The following VPS13D variants were observed in gnomAD, a reference collection of about 807,000 sequenced individuals.
VPS13D encodes vacuolar protein sorting 13 homolog D, also known as intermembrane lipid transfer protein VPS13D.
In VPS13D, 187 loss-of-function variants were observed where a neutral mutation model predicts 461.9. The observed-to-expected ratio is 0.40, with a 90% CI of 0.36 to 0.46. The LOEUF (loss-of-function observed/expected upper bound fraction) is 0.46, where lower values mean the gene tolerates loss of function less well. VPS13D is among the 20% of genes least tolerant of loss of function. VPS13D has a pLI of 0.60. For missense variants in VPS13D, 4,711 were observed against 5,364.9 expected, an observed-to-expected ratio of 0.88 and a Z score of 3.81; for synonymous variants, 1,951 against 1,986.3, an observed-to-expected ratio of 0.98 and a Z score of 0.47.
At position 12,369,677 on chromosome 1, in the gene VPS13D, A is replaced by G. The variant is rs771632572; in HGVS notation, c.10783A>G (p.Ile3595Val). The change falls in exon 54 of 70, where the codon ATT (isoleucine) becomes GTT (valine). Residue 3595 changes from isoleucine to valine, a missense_variant. Coordinates refer to ENST00000620676, the MANE Select transcript of VPS13D (RefSeq NM_015378.4). ...GCTTTATTATGAAAATTTCATTTACATTGCTGCTACATATACATTCTCTGG... is the reference window on the plus strand; with the variant it reads ...GCTTTATTATGAAAATTTCATTTACGTTGCTGCTACATATACATTCTCTGG... ...RQLYYENFIYIAATYTFSGLQ... is the reference protein window; with the variant it reads ...RQLYYENFIYVAATYTFSGLQ... 1 of 1,614,046 alleles carries G rather than the reference A, an allele frequency of 6.2e-7. No individual in the cohort carries two copies. The highest frequency in any genetic ancestry group is 8.5e-7 in the Non-Finnish European group (1 of 1,180,008).
intron 65 of VPS13D, among the ~76,000 whole-genome samples, chr1:12,422,753 A>G (rs1644879101): frequency 6.6e-6 from 1 of 152,104 alleles, no homozygotes; most frequent in Non-Finnish European, 1.5e-5. Flanking sequence ...TCTGCCAATC[A>G]GGAAACTGAG....
At chr1:12,311,674 G>C (rs372837792) in intron 28 of VPS13D, 49 bp downstream of exon 28, 7 of 1,605,286 alleles carry the variant, frequency 4.4e-6, no homozygotes, top group Non-Finnish European at 6.0e-6. Flanking sequence ...CTCAGCTGAC[G>C]GTCACCCTGT....
intron 50 of VPS13D, among the ~76,000 whole-genome samples, chr1:12,360,893 A>G (rs1287141365): frequency 6.6e-6 from 1 of 152,168 alleles, no homozygotes; most frequent in Non-Finnish European, 1.5e-5. Flanking sequence ...GTCAAATGCT[A>G]AGGTGGAGTT....
At chr1:12,358,647 T>C (rs1380199934) in intron 50 of VPS13D, 46 bp downstream of exon 50, 3 of 1,606,100 alleles carry the variant, frequency 1.9e-6, no homozygotes, top group African/African-American at 1.3e-5. Flanking sequence ...CATTGGCCGA[T>C]GACCTCAGGC....
At chr1:12,474,455 A>G (rs1231730510) in intron 67 of VPS13D, among the ~76,000 whole-genome samples, 1 of 152,058 alleles carries the variant, frequency 6.6e-6, no homozygotes, top group Non-Finnish European at 1.5e-5. Context: ...ATCTCACAAC[A>G]ATATTATTAT....
chr1:12,254,839 T>C lies in VPS13D; in HGVS notation c.669+1013T>C, dbSNP rs78994742. On this transcript the variant is annotated intron_variant, in intron 7 of 69. Transcript: ENST00000620676. Reference sequence around the variant, plus strand: ...TACCACACCCGGCCAGTTTAATCCTTCTGTAAATAATTTGTAGGTGGTTTA... The same window carrying C: ...TACCACACCCGGCCAGTTTAATCCTCCTGTAAATAATTTGTAGGTGGTTTA... Among the ~76,000 whole-genome samples, 1,504 of 152,200 alleles carry C rather than the reference T, an allele frequency of 9.9e-3. 18 individuals are homozygous for C. Among genetic ancestry groups the C allele is most frequent in the African/African-American group, 0.034 (1,404 of 41,508 alleles).
At chr1:12,433,969 T>TGGAGGA (rs145294229) in intron 65 of VPS13D, among the ~76,000 whole-genome samples, 2 of 146,616 alleles carry the variant, frequency 1.4e-5, no homozygotes, top group African/African-American at 2.5e-5. Flanking sequence ...TGTGTGTGTG[T>TGGAGGA]GGAGGAGGAG....
intron 60 of VPS13D, among the ~76,000 whole-genome samples, chr1:12,390,067 A>T (rs1352249420): frequency 2.6e-5 from 4 of 152,180 alleles, no homozygotes; most frequent in African/African-American, 4.8e-5. Flanking sequence ...AGTTTAATGG[A>T]ATCATTGTTT....
chr1:12,309,732 A>G (rs148739163), intron 27 of VPS13D, among the ~76,000 whole-genome samples: 2,706 of 149,324 alleles, frequency 0.018, 56 homozygotes, highest in Non-Finnish European at 0.021. Flanking sequence ...GCTGCACTTC[A>G]GCCTGGGTGA....
chr1:12,322,270 G>A (rs1053907872), intron 33 of VPS13D, among the ~76,000 whole-genome samples: 1 of 152,100 alleles, frequency 6.6e-6, no homozygotes, highest in African/African-American at 2.4e-5. Context: ...GTTTTACCGT[G>A]TTAGCCAGGA....
rs760169920 is a variant in VPS13D at position 12,276,230 on chromosome 1, A to C, written c.2642A>C (p.Asp881Ala). 1.2e-6 allele frequency: 2 copies of C among 1,614,024 alleles called. No homozygotes were observed. Among genetic ancestry groups the C allele is most frequent in the Non-Finnish European group, 1.7e-6 (2 of 1,180,010 alleles). Residue 881 changes from aspartate (D) to alanine (A), a missense_variant, in exon 19 of 70, where the codon GAC (aspartate) becomes GCC (alanine). Around this residue, in one of 3 missense-constraint regions of VPS13D, gnomAD observed 4,411 missense variants for 4,937.8 expected, o/e 0.89. Coordinates refer to ENST00000620676, the MANE Select transcript of VPS13D (RefSeq NM_015378.4). The surrounding 1 kb of genome is among the most constrained non-coding windows in gnomAD (Gnocchi z 4.5). Reference protein sequence around the residue: ...PGAVLSGNLPDLKIHINEDKI... With the variant: ...PGAVLSGNLPALKIHINEDKI... ...GCCGTGCTCTCAGGCAACTTACCAGACTTAAAAATCCACATTAATGAAGAT... is the reference window on the plus strand; with the variant it reads ...GCCGTGCTCTCAGGCAACTTACCAGCCTTAAAAATCCACATTAATGAAGAT...
In VPS13D at chr1:12,396,236, T is replaced by C. The variant is rs1644497151; in HGVS notation, c.11635-3945T>C. 1.3e-5 allele frequency among the ~76,000 whole-genome samples: 2 copies of C among 151,502 alleles called. 1 individual carries two copies. The highest frequency in any genetic ancestry group is 3.9e-4 in the East Asian group (2 of 5,162). On this transcript the variant is annotated intron_variant, in intron 60 of 69. Transcript: ENST00000620676. Reference sequence around the variant, plus strand: ...GACTGCTTTGTTTGCAGTGTGACTGTAGGGCCGTTGGTTTTCAAGGCTACT... The same window carrying C: ...GACTGCTTTGTTTGCAGTGTGACTGCAGGGCCGTTGGTTTTCAAGGCTACT...
intron 63 of VPS13D, among the ~76,000 whole-genome samples, chr1:12,414,403 T>C (rs551582554): frequency 6.6e-6 from 1 of 152,342 alleles, no homozygotes; most frequent in African/African-American, 2.4e-5. Flanking sequence ...TACATTGTTT[T>C]ATTCTTGCAA....
chr1:12,267,931 C>G lies in VPS13D; in HGVS notation c.1801+11C>G. 1 of 1,596,220 alleles carries G rather than the reference C, an allele frequency of 6.3e-7. No homozygotes were observed. The highest frequency in any genetic ancestry group is 8.5e-7 in the Non-Finnish European group (1 of 1,174,150). Reference sequence around the variant, plus strand: ...GTGATCATTACCCAGGTAATTTGTCCTATGTTGTTTTTTTAAAATTTTTAA... The same window carrying G: ...GTGATCATTACCCAGGTAATTTGTCGTATGTTGTTTTTTTAAAATTTTTAA... On this transcript the variant is annotated intron_variant, in intron 15 of 69. Coordinates refer to ENST00000620676, the MANE Select transcript of VPS13D (RefSeq NM_015378.4).
rs1646160205 is a variant in VPS13D, at chr1:12,509,827, T to C, written c.*803T>C. 1 of 152,232 alleles carries C rather than the reference T, an allele frequency of 6.6e-6. No homozygotes were observed. The highest frequency in any genetic ancestry group is 1.5e-5 in the Non-Finnish European group (1 of 68,040). The allele number at this position is 152,232 out of a possible 1,614,324, so 9.4% of individuals were successfully genotyped here. On this transcript the variant is annotated 3_prime_UTR_variant, in exon 70 of 70. Coordinates refer to ENST00000620676, the MANE Select transcript of VPS13D (RefSeq NM_015378.4). ...TTACCACATGGGTGCAAGTCAGCAT[T>C]GTAAGTTTTCTCAGGTTATTATTAT...
Position 12,341,777 on chromosome 1 carries a change from T to G in VPS13D, c.8627-3T>G. 1 of 1,613,772 alleles carries G rather than the reference T, an allele frequency of 6.2e-7. No individual in the cohort carries two copies. Among genetic ancestry groups the G allele is most frequent in the Non-Finnish European group, 8.5e-7 (1 of 1,179,776 alleles). ...GCTCATAGCCTTCTTCTGTTTGTCG[T>G]AGCAGAGGTGAAAACCCCCAAGCGC... On this transcript the variant is annotated splice_polypyrimidine_tract_variant and splice_region_variant and intron_variant, in intron 40 of 69. Coordinates refer to ENST00000620676, the MANE Select transcript of VPS13D (RefSeq NM_015378.4).
chr1:12,244,675 A>C, intron 5 of VPS13D, 58 bp downstream of exon 5: 1 of 1,508,818 alleles, frequency 6.6e-7, no homozygotes, highest in Non-Finnish European at 9.2e-7. Context: ...TCAGGTTTAA[A>C]CGTGTTTCTC....
chr1:12,236,767 G>A lies in VPS13D; in HGVS notation c.97+2404G>A, dbSNP rs568375018. On this transcript the variant is annotated intron_variant, in intron 2 of 69. Coordinates refer to ENST00000620676, the MANE Select transcript of VPS13D (RefSeq NM_015378.4). ...AAAGAGGACTGAAATAGTGGTCAAG[G>A]GTATTGATTTTTTTAGCTAAACTAT... Among the ~76,000 whole-genome samples the A allele has an allele frequency of 2.0e-5, 3 of 152,182 alleles. No homozygotes were observed. In the South Asian group the frequency reaches 6.2e-4, roughly 32 times the overall value.
Position 12,276,858 on chromosome 1 carries a change from G to T in VPS13D, c.3270G>T (p.Glu1090Asp). Residue 1090 changes from glutamate to aspartate, a missense_variant, in exon 19 of 70, where the codon GAG (glutamate) becomes GAT (aspartate). Coordinates refer to ENST00000620676, the MANE Select transcript of VPS13D (RefSeq NM_015378.4). This position sits in a 1 kb window ranked among gnomAD's most constrained non-coding sequence, Gnocchi z 4.5. Reference sequence around the variant, plus strand: ...TGGAATATCAGTTTGTGAGTTCAGAGTGCCCATCGATGAATTTAGACAGTA... The same window carrying T: ...TGGAATATCAGTTTGTGAGTTCAGATTGCCCATCGATGAATTTAGACAGTA... ...IKLEYQFVSS[E>D]CPSMNLDSTL... is the part of the protein sequence containing the mutation. 8 of 1,614,154 alleles carry T rather than the reference G, an allele frequency of 5.0e-6. No individual in the cohort carries two copies. Among genetic ancestry groups the T allele is most frequent in the Non-Finnish European group, 5.9e-6 (7 of 1,180,032 alleles).
Sources: gnomAD v4.1 joint callset for allele counts (sites outside exome capture counted in the v4.1 genomes callset) on GRCh38, gnomAD v4.1.1 for gene constraint, gnomAD v4.1.1 regional missense constraint, Gnocchi (gnomAD v3.1) non-coding constraint, MANE v1.5 for transcripts, NCBI Gene and HGNC (gene_info 2026-07-23, HGNC 2026-07-21) for gene names.